Variants in SEC13 observed in about 807,000 individuals in gnomAD.
SEC13 encodes protein SEC13 homolog.
In SEC13, 25 loss-of-function variants were observed where a neutral mutation model predicts 49.2. The observed-to-expected ratio is 0.51, with a 90% CI of 0.37 to 0.71. The LOEUF (loss-of-function observed/expected upper bound fraction) is 0.71, where lower values mean the gene tolerates loss of function less well. Among genes scored for constraint, SEC13 ranks in the 30% least tolerant of loss-of-function variants. SEC13 has a pLI of 0.00. For synonymous variants in SEC13, 148 were observed against 163.9 expected, an observed-to-expected ratio of 0.90 and a Z score of 0.74; for missense variants, 383 against 417.6, an observed-to-expected ratio of 0.92 and a Z score of 0.72.
chr3:10,305,678 G>T lies in SEC13; in HGVS notation c.465C>A (p.Ala155=), dbSNP rs779736700. 1 of 1,614,198 alleles carries T rather than the reference G, an allele frequency of 6.2e-7. No homozygotes were observed. Among genetic ancestry groups the T allele is most frequent in the African/African-American group, 1.3e-5 (1 of 75,060 alleles). Residue 155 remains alanine (A), a synonymous_variant, in exon 6 of 9, where the codon GCC becomes GCA. Coordinates refer to ENST00000350697, the MANE Select transcript of SEC13 (RefSeq NM_183352.3). ...GTACAACAGCAGGGGCCCAGCTGAC[G>T]GCATTGCAGCCAATCTGTAAAGATG... is the stretch of plus-strand genomic sequence containing the variant. The part of the protein sequence containing the change: ...INNAHTIGCN[A]VSWAPAVVPG...
At chr3:10,307,403 G>A (rs1442501812) in intron 5 of SEC13, among the ~76,000 whole-genome samples, 1 of 151,972 alleles carries the variant, frequency 6.6e-6, no homozygotes, top group Non-Finnish European at 1.5e-5. Flanking sequence ...GCGTCGGGGT[G>A]TGTTAGTCCA....
chr3:10,308,013 C>T (rs931159930), intron 5 of SEC13, among the ~76,000 whole-genome samples: 1 of 152,198 alleles, frequency 6.6e-6, no homozygotes, highest in East Asian at 1.9e-4. Flanking sequence ...ACAATAGTCC[C>T]TGAATTCTTG....
intron 7 of SEC13, 77 bp from the exon 8 acceptor site, chr3:10,304,249 A>C: frequency 6.7e-7 from 1 of 1,490,340 alleles, no homozygotes; most frequent in Non-Finnish European, 9.3e-7. Context: ...CCCAGTCTAG[A>C]GCCACCCGGC....
chr3:10,307,290 C>T (rs1700941141), intron 5 of SEC13, among the ~76,000 whole-genome samples: 1 of 143,180 alleles, frequency 7.0e-6, no homozygotes, highest in Non-Finnish European at 1.5e-5. Context: ...CTCACTGCAA[C>T]CTCCACCTCC....
chr3:10,304,210 A>G, intron 7 of SEC13, 38 bp from the exon 8 acceptor site: 1 of 1,607,606 alleles, frequency 6.2e-7, no homozygotes, highest in Non-Finnish European at 8.5e-7. Flanking sequence ...GGTGGAGTCA[A>G]GACTCCTGCG....
At chr3:10,306,491 A>T (rs918319776) in intron 5 of SEC13, among the ~76,000 whole-genome samples, 5 of 152,310 alleles carry the variant, frequency 3.3e-5, no homozygotes, top group African/African-American at 1.2e-4. Flanking sequence ...TGGGGCTTGT[A>T]AAATGGTGAT....
rs1449618639 is a variant in SEC13, at chr3:10,301,113, A to C, written c.*148T>G. ...AAAGCATCTCCGATCACGTTAAGGC[A>C]GATGATCAATCTGTGGCTGCATCTG... is the stretch of plus-strand genomic sequence containing the variant. On this transcript the variant is annotated 3_prime_UTR_variant, in exon 9 of 9. Coordinates refer to ENST00000350697, the MANE Select transcript of SEC13 (RefSeq NM_183352.3). 6.2e-7 allele frequency: 1 copy of C among 1,613,508 alleles called. No homozygotes were observed. Among genetic ancestry groups the C allele is most frequent in the African/African-American group, 1.3e-5 (1 of 74,950 alleles).
Position 10,321,064 on chromosome 3 carries a change from T to C in SEC13, c.-12A>G, listed in dbSNP as rs755011415. 11 of 1,613,024 alleles carry C rather than the reference T, an allele frequency of 6.8e-6. No homozygotes were observed. The Admixed American group carries it at 1.7e-4, about 24-fold the overall frequency. On this transcript the variant is annotated 5_prime_UTR_variant, in exon 1 of 9. Transcript: ENST00000350697. This position sits in a 1 kb window ranked among gnomAD's most constrained non-coding sequence, Gnocchi z 4.1. ...CCAACACTCACCATGATTGCGGCGGTGGCTGCTCCAGGTCTCGGACGTGGC... is the reference window on the plus strand; with the variant it reads ...CCAACACTCACCATGATTGCGGCGGCGGCTGCTCCAGGTCTCGGACGTGGC...
intron 8 of SEC13, 85 bp from the exon 9 acceptor site, chr3:10,301,459 G>GA (rs1700507427): frequency 6.4e-7 from 1 of 1,551,472 alleles, no homozygotes; most frequent in Admixed American, 1.9e-5. Flanking sequence ...TCCTCATCAA[G>GA]AACCACTGCC....
intron 8 of SEC13, among the ~76,000 whole-genome samples, chr3:10,303,274 C>T (rs1221932473): frequency 6.6e-6 from 1 of 152,162 alleles, no homozygotes; most frequent in Non-Finnish European, 1.5e-5. Flanking sequence ...AGGCGCAGAG[C>T]AGATGTGCCT....
At chr3:10,309,609 CTTGTT>C (rs1157219442) in intron 5 of SEC13, among the ~76,000 whole-genome samples, 2 of 152,148 alleles carry the variant, frequency 1.3e-5, no homozygotes, top group Admixed American at 6.5e-5. Context: ...ACTATTCTCT[CTTGTT>C]TTGTATTGTT....
chr3:10,305,112 G>A lies in SEC13; in HGVS notation c.629C>T (p.Ala210Val), dbSNP rs1196948300. Reference protein sequence around the residue: ...GQWKEEQKLEAHSDWVRDVAW... With the variant: ...GQWKEEQKLEVHSDWVRDVAW... ...CACATCTCGAACCCAGTCACTGTGC[G>A]CTTCTAGCTTCTGCTCCTCCTTCCA... The change falls in exon 7 of 9, where the codon GCG becomes GTG. Residue 210 changes from alanine (A) to valine (V), a missense_variant. Transcript: ENST00000350697. 5 of 1,613,848 alleles carry A rather than the reference G, an allele frequency of 3.1e-6. No homozygotes were observed. Among genetic ancestry groups the A allele is most frequent in the African/African-American group, 1.3e-5 (1 of 74,904 alleles).
rs1023074767 is a variant in SEC13 at position 10,311,671 on chromosome 3, C to T, written c.450+294G>A. The stretch of plus-strand genomic sequence containing the variant: ...TTCTACAGGGTCCCAATGACTACTG[C>T]AGGGCATGTCACCTGGAGGCAACCA... On this transcript the variant is annotated intron_variant, in intron 5 of 8. Transcript: ENST00000350697. 2.3e-6 allele frequency: 3 copies of T among 1,296,948 alleles called. No homozygotes were observed. In the East Asian group the frequency reaches 1.1e-4, roughly 47 times the overall value. 80.3% of individuals were successfully genotyped at this position (1,296,948 alleles called of 1,614,324 possible).
intron 5 of SEC13, among the ~76,000 whole-genome samples, chr3:10,309,856 G>A (rs1054895969): frequency 6.6e-6 from 1 of 152,236 alleles, no homozygotes; most frequent in Non-Finnish European, 1.5e-5. Flanking sequence ...ACTCTCCCTT[G>A]TTTCTGTGTG....
chr3:10,302,439 G>A (rs1700595696), intron 8 of SEC13, among the ~76,000 whole-genome samples: 1 of 152,212 alleles, frequency 6.6e-6, no homozygotes, highest in Non-Finnish European at 1.5e-5. Context: ...AAGGAAACAG[G>A]CTTGTAAAGA....
chr3:10,318,116 G>A lies in SEC13; in HGVS notation c.4-22C>T, dbSNP rs776025863. 7.1e-6 allele frequency: 11 copies of A among 1,556,978 alleles called. No individual in the cohort carries two copies. The African/African-American group carries it at 1.4e-4, about 19-fold the overall frequency. On this transcript the variant is annotated intron_variant, in intron 1 of 8. Transcript: ENST00000350697. ...ACACCTAGAACCAAAGATATCACTGGTAAATTAACTCATGGCAGTTAGAAT... is the reference window on the plus strand; with the variant it reads ...ACACCTAGAACCAAAGATATCACTGATAAATTAACTCATGGCAGTTAGAAT...
intron 2 of SEC13, among the ~76,000 whole-genome samples, chr3:10,317,533 C>G (rs1701681218): frequency 6.6e-6 from 1 of 151,824 alleles, no homozygotes; most frequent in Non-Finnish European, 1.5e-5. Flanking sequence ...AGGAAATGCC[C>G]TGAGTGTGGA....
rs1003687067 is a variant in SEC13 at position 10,301,131 on chromosome 3, T to G, written c.*130A>C. ...TTAAGGCAGATGATCAATCTGTGGC[T>G]GCATCTGTAACTCCTCCTGGGAAAA... On this transcript the variant is annotated 3_prime_UTR_variant, in exon 9 of 9. Coordinates refer to ENST00000350697, the MANE Select transcript of SEC13 (RefSeq NM_183352.3). 1 of 1,613,730 alleles carries G rather than the reference T, an allele frequency of 6.2e-7. No homozygotes were observed. Among genetic ancestry groups the G allele is most frequent in the African/African-American group, 1.3e-5 (1 of 74,932 alleles).
chr3:10,316,646 G>A (rs955419156), intron 2 of SEC13, among the ~76,000 whole-genome samples: 4 of 152,014 alleles, frequency 2.6e-5, no homozygotes, highest in African/African-American at 9.7e-5. Flanking sequence ...ACATCCTATG[G>A]GCCTTAGTTC....
Sources: allele counts gnomAD v4.1 joint callset (sites outside exome capture counted in the v4.1 genomes callset), GRCh38; gene constraint gnomAD v4.1.1; non-coding constraint Gnocchi (gnomAD v3.1); transcripts MANE v1.5; gene names NCBI Gene and HGNC (gene_info 2026-07-23, HGNC 2026-07-21).